The following ZNF331 variants were observed in gnomAD, a reference collection of about 807,000 sequenced individuals.
ZNF331 encodes the protein zinc finger protein 331.
In ZNF331, 2 loss-of-function variants were observed where a neutral mutation model predicts 7.0. The ratio of observed to expected loss-of-function variants is 0.29; its 90% confidence interval spans 0.12 to 0.90. The LOEUF is 0.90. ZNF331 is among the 40% of genes least tolerant of loss of function. The pLI is 0.58. For missense variants in ZNF331, 432 were observed against 587.7 expected, an observed-to-expected ratio of 0.74 and a Z score of 2.74; for synonymous variants, 196 against 205.4, an observed-to-expected ratio of 0.95 and a Z score of 0.39.
chr19:53,534,223 A>T (rs2087651178), upstream of ZNF331, among the ~76,000 whole-genome samples: 1 of 152,102 alleles, frequency 6.6e-6, no homozygotes, highest in African/African-American at 2.4e-5. Context: ...TGGAGGCTCT[A>T]GGAGGCATTC....
At chr19:53,563,973 C>G (rs2090024533) in intron 3 of ZNF331, among the ~76,000 whole-genome samples, 1 of 135,112 alleles carries the variant, frequency 7.4e-6, no homozygotes, top group Admixed American at 8.3e-5. Context: ...GGAGAGGTTG[C>G]AGTGACCCGA....
At chr19:53,552,476 T>C (rs1410397150) in intron 2 of ZNF331, among the ~76,000 whole-genome samples, 1 of 151,714 alleles carries the variant, frequency 6.6e-6, no homozygotes, top group African/African-American at 2.4e-5. Flanking sequence ...CCCAGCACTT[T>C]GGGAGGCCAA....
intron 3 of ZNF331, among the ~76,000 whole-genome samples, chr19:53,557,733 C>T (rs1267164984): frequency 1.3e-5 from 1 of 75,528 alleles, no homozygotes; most frequent in Non-Finnish European, 2.6e-5. Flanking sequence ...GAGGCCGAGG[C>T]GGATAGATCA....
exon 1 of ZNF331, chr19:53,521,331 AGTGTGTGTGTGTGTGT>A (rs755487590): frequency 7.7e-6 from 1 of 129,114 alleles, no homozygotes; most frequent in African/African-American, 3.0e-5. Flanking sequence ...AGTGTGTGTG[AGTGTGTGTGTGTGTGT>A]GTGTGTGTGT....
At chr19:53,561,801 C>T (rs546109138) in intron 3 of ZNF331, among the ~76,000 whole-genome samples, 1 of 152,126 alleles carries the variant, frequency 6.6e-6, no homozygotes, top group South Asian at 2.1e-4. Context: ...TGCAATGAGC[C>T]GTGATCCCAC....
the ZNF331 span, among the ~76,000 whole-genome samples, chr19:53,509,587 G>A: frequency 6.6e-6 from 1 of 152,208 alleles, no homozygotes; most frequent in African/African-American, 2.4e-5. Flanking sequence ...CCCAGGAAGA[G>A]ATTATTTAGA....
chr19:53,560,140 TAC>T lies in ZNF331; in HGVS notation c.-74+4238_-74+4239del, dbSNP rs1326824684. On this transcript the variant is annotated intron_variant, in intron 3 of 5. Coordinates refer to ENST00000449416, the MANE Select transcript of ZNF331 (RefSeq NM_001079906.2). The surrounding 1 kb of genome is among the most constrained non-coding windows in gnomAD (Gnocchi z 4.3). ...CACATATATACACACACCATATATA[TAC>T]ACACATATATACACATCCACACCAT... is the stretch of plus-strand genomic sequence containing the variant. Among the ~76,000 whole-genome samples the T allele has an allele frequency of 8.4e-6, 1 of 119,758 alleles. No homozygotes were observed. The highest frequency in any genetic ancestry group is 1.7e-5 in the Non-Finnish European group (1 of 58,616). The allele number at this position is 119,758 out of a possible 152,430, so 78.6% of individuals were successfully genotyped here. A position where few individuals can be genotyped will look rare whatever the true frequency, so the allele number is the denominator to read the frequency against.
upstream of ZNF331, among the ~76,000 whole-genome samples, chr19:53,519,648 A>AG (rs2086992376): frequency 6.6e-6 from 1 of 152,192 alleles, no homozygotes; most frequent in South Asian, 2.1e-4. Flanking sequence ...GCCCATACCA[A>AG]GGTAACACTC....
chr19:53,540,082 G>A (rs749589134), intron 2 of ZNF331, among the ~76,000 whole-genome samples: 5 of 152,122 alleles, frequency 3.3e-5, no homozygotes, highest in Non-Finnish European at 5.9e-5. Flanking sequence ...ATATTATTTA[G>A]GATTATTCAT....
At chr19:53,513,779 T>G in the ZNF331 span, among the ~76,000 whole-genome samples, 1 of 152,094 alleles carries the variant, frequency 6.6e-6, no homozygotes, top group Non-Finnish European at 1.5e-5. Context: ...CCTGGCTAAT[T>G]TTTGTACTTT....
intron 2 of ZNF331, among the ~76,000 whole-genome samples, chr19:53,548,575 C>G (rs922316147): frequency 6.6e-6 from 1 of 152,108 alleles, no homozygotes; most frequent in African/African-American, 2.4e-5. Context: ...GATATTAACC[C>G]CTTATCAGAT....
rs981959399 is a variant in ZNF331 at position 53,578,954 on chromosome 19, C to G, written c.*1002C>G. On this transcript the variant is annotated 3_prime_UTR_variant, in exon 6 of 6. Coordinates refer to ENST00000449416, the MANE Select transcript of ZNF331 (RefSeq NM_001079906.2). Reference sequence around the variant, plus strand: ...TAGCTGGGATTACAGACATGCACCACCACACCTGGCTAATTTTTGTATTTT... The same window carrying G: ...TAGCTGGGATTACAGACATGCACCAGCACACCTGGCTAATTTTTGTATTTT... 6 of 179,860 alleles carry G rather than the reference C, an allele frequency of 3.3e-5. No individual in the cohort carries two copies. Among genetic ancestry groups the G allele is most frequent in the Non-Finnish European group, 4.8e-5 (4 of 84,204 alleles). The allele number at this position is 179,860 out of a possible 1,614,324, so 11.1% of individuals were successfully genotyped here. A position where few individuals can be genotyped will look rare whatever the true frequency, so the allele number is the denominator to read the frequency against.
chr19:53,567,317 C>G (rs1357669867), intron 3 of ZNF331, among the ~76,000 whole-genome samples: 3 of 152,016 alleles, frequency 2.0e-5, no homozygotes, highest in Non-Finnish European at 4.4e-5. Context: ...CAGAAGAGGC[C>G]CAAGTTTGGA....
At chr19:53,509,231 T>A in the ZNF331 span, among the ~76,000 whole-genome samples, 1 of 152,220 alleles carries the variant, frequency 6.6e-6, no homozygotes, top group Non-Finnish European at 1.5e-5. Flanking sequence ...CTCCTTCCTC[T>A]GTGAGCTGCG....
At position 53,577,559 on chromosome 19, in the gene ZNF331, G is replaced by A. The variant is rs1323801875; in HGVS notation, c.999G>A (p.Gly333=). Residue 333 remains glycine (G), a synonymous_variant, in exon 6 of 6, where the codon GGG becomes GGA. Transcript: ENST00000449416. The stretch of plus-strand genomic sequence containing the variant: ...AGCCTCACGAATGTAAGGAGTGTGG[G>A]AAGGCCTTTCGCTGGGGTTCGAGCC... ...GEKPHECKEC[G]KAFRWGSSLV... The A allele has an allele frequency of 6.2e-7, 1 of 1,613,940 alleles. No homozygotes were observed. Among genetic ancestry groups the A allele is most frequent in the Non-Finnish European group, 8.5e-7 (1 of 1,179,892 alleles).
intron 2 of ZNF331, among the ~76,000 whole-genome samples, chr19:53,533,045 AC>A (rs1486567268): frequency 6.6e-6 from 1 of 151,776 alleles, no homozygotes; most frequent in Non-Finnish European, 1.5e-5. Context: ...TCCTTTCATT[AC>A]TATGAGTGTC....
intron 3 of ZNF331, among the ~76,000 whole-genome samples, chr19:53,568,652 G>A (rs2090281448): frequency 5.3e-5 from 8 of 151,722 alleles, no homozygotes; most frequent in Admixed American, 5.3e-4. Flanking sequence ...TACTTTTTAG[G>A]CAAGTACACA....
chr19:53,566,729 G>T (rs1038147387), intron 3 of ZNF331, among the ~76,000 whole-genome samples: 2 of 152,182 alleles, frequency 1.3e-5, no homozygotes, highest in African/African-American at 2.4e-5. Flanking sequence ...GTTTTCAGAC[G>T]CCATGGGCCA....
intron 2 of ZNF331, among the ~76,000 whole-genome samples, chr19:53,524,432 C>T (rs1286388345): frequency 2.0e-5 from 3 of 152,156 alleles, no homozygotes; most frequent in East Asian, 3.9e-4. Flanking sequence ...TCTGTTGTTT[C>T]CTGACTTTTT....
Sources: gnomAD v4.1 joint callset for allele counts (sites outside exome capture counted in the v4.1 genomes callset) on GRCh38, gnomAD v4.1.1 for gene constraint, Gnocchi (gnomAD v3.1) non-coding constraint, MANE v1.5 for transcripts, NCBI Gene and HGNC (gene_info 2026-07-23, HGNC 2026-07-21) for gene names.